The following SNX30 variants were observed in gnomAD, a reference collection of about 807,000 sequenced individuals.
The protein encoded by SNX30 is sorting nexin family member 30, also known as sorting nexin-30.
In SNX30, 24 loss-of-function variants were observed where a neutral mutation model predicts 46.4. The ratio of observed to expected loss-of-function variants is 0.52; its 90% confidence interval spans 0.37 to 0.73. SNX30 has a LOEUF of 0.73. Among genes scored for constraint, SNX30 ranks in the 30% least tolerant of loss-of-function variants. The pLI, the probability that SNX30 is intolerant of heterozygous loss-of-function variation, is 0.00. For synonymous variants in SNX30, 189 were observed against 211.5 expected, an observed-to-expected ratio of 0.89 and a Z score of 0.92; for missense variants, 533 against 555.7, an observed-to-expected ratio of 0.96 and a Z score of 0.41.
rs570360585 is a variant in SNX30, at chr9:112,861,669, C to T, written c.1102-2578C>T. 5.3e-5 allele frequency among the ~76,000 whole-genome samples: 8 copies of T among 152,340 alleles called. No homozygotes were observed. In the South Asian group the frequency reaches 1.7e-3, roughly 32 times the overall value. On this transcript the variant is annotated intron_variant, in intron 7 of 8. Transcript: ENST00000374232. ...CCCCTGCCACCCTCTGCCAGTCTTG[C>T]GAGCTGCAGTTCCCTCTCCGTGCCG...
chr9:112,750,353 C>T (rs1426738945), upstream of SNX30: 1 of 152,264 alleles, frequency 6.6e-6, no homozygotes, highest in Non-Finnish European at 1.5e-5. Context: ...GTAATTCCGT[C>T]TATCTAGGGT....
intron 1 of SNX30, among the ~76,000 whole-genome samples, chr9:112,751,791 C>T (rs772167126): frequency 5.3e-5 from 8 of 152,160 alleles, no homozygotes; most frequent in Non-Finnish European, 1.0e-4. Flanking sequence ...TTGGCAGAGG[C>T]TGGTTTTGTG....
chr9:112,843,763 C>T (rs1840894947), intron 6 of SNX30, among the ~76,000 whole-genome samples: 1 of 151,464 alleles, frequency 6.6e-6, no homozygotes. Flanking sequence ...TACAGGTGCG[C>T]ACCACCACGC....
Position 112,817,692 on chromosome 9 carries a change from C to G in SNX30, c.349-13C>G. ...TCCCTTATGCTTATTTTTTTCCATT[C>G]TCTTCTTTGCAGAGTACTCGGGTGG... On this transcript the variant is annotated splice_polypyrimidine_tract_variant and intron_variant, in intron 2 of 8. Transcript: ENST00000374232. 6.7e-7 allele frequency: 1 copy of G among 1,502,158 alleles called. No homozygotes were observed. The highest frequency in any genetic ancestry group is 2.3e-5 in the East Asian group (1 of 44,290). 93.1% of individuals were successfully genotyped at this position (1,502,158 alleles called of 1,614,324 possible). A position where few individuals can be genotyped will look rare whatever the true frequency, so the allele number is the denominator to read the frequency against.
chr9:112,792,202 G>T (rs958323898), intron 1 of SNX30, among the ~76,000 whole-genome samples: 1 of 152,190 alleles, frequency 6.6e-6, no homozygotes, highest in African/African-American at 2.4e-5. Context: ...TTACCTCTTC[G>T]TGGATGTTCT....
intron 7 of SNX30, among the ~76,000 whole-genome samples, chr9:112,861,764 G>A (rs988492216): frequency 3.9e-5 from 6 of 152,076 alleles, no homozygotes; most frequent in Admixed American, 2.0e-4. Context: ...TGTCCCTTGT[G>A]TGTACCGCCA....
intron 1 of SNX30, among the ~76,000 whole-genome samples, chr9:112,793,730 C>T (rs1438225023): frequency 6.6e-6 from 1 of 152,032 alleles, no homozygotes; most frequent in Non-Finnish European, 1.5e-5. Flanking sequence ...TTGGATGGCA[C>T]CCTTTCCTCA....
At position 112,864,370 on chromosome 9, in the gene SNX30, G is replaced by T. The variant is rs370280493; in HGVS notation, c.1225G>T (p.Ala409Ser). Reference protein sequence around the residue: ...QDFRQLLMGMADKNIQYYEKC... With the variant: ...QDFRQLLMGMSDKNIQYYEKC... ...CTTCCGGCAGCTACTCATGGGGATGGCTGACAAGAACATCCAGTATTATGA... is the reference window on the plus strand; with the variant it reads ...CTTCCGGCAGCTACTCATGGGGATGTCTGACAAGAACATCCAGTATTATGA... Residue 409 changes from alanine (A) to serine (S), a missense_variant, in exon 8 of 9, where the codon GCT (alanine) becomes TCT (serine). Transcript: ENST00000374232. The T allele has an allele frequency of 6.2e-7, 1 of 1,614,204 alleles. No individual in the cohort carries two copies. Among genetic ancestry groups the T allele is most frequent in the Non-Finnish European group, 8.5e-7 (1 of 1,180,034 alleles).
At chr9:112,766,491 A>T (rs1588108573) in intron 1 of SNX30, among the ~76,000 whole-genome samples, 2 of 152,162 alleles carry the variant, frequency 1.3e-5, no homozygotes, top group African/African-American at 4.8e-5. Context: ...GTTTTTAATC[A>T]TCTTAACCAT....
chr9:112,822,563 T>G (rs1457512844), intron 3 of SNX30, among the ~76,000 whole-genome samples: 1 of 112,976 alleles, frequency 8.9e-6, no homozygotes, highest in Non-Finnish European at 1.7e-5. Context: ...TGTAAGAACC[T>G]GTAACATAAG....
rs1384993558 is a variant in SNX30 at position 112,864,229 on chromosome 9, T to C, written c.1102-18T>C. The C allele has an allele frequency of 6.2e-7, 1 of 1,613,010 alleles. No individual in the cohort carries two copies. The highest frequency in any genetic ancestry group is 1.1e-5 in the South Asian group (1 of 91,004). ...CAGTTTTGTGTGCAGGGCACCCATG[T>C]GTGCCTCCCTTTTCCAGGTACCGGC... On this transcript the variant is annotated intron_variant, in intron 7 of 8. Transcript: ENST00000374232.
At chr9:112,785,860 ACCT>A (rs1335416561) in intron 1 of SNX30, among the ~76,000 whole-genome samples, 1 of 152,138 alleles carries the variant, frequency 6.6e-6, no homozygotes, top group East Asian at 1.9e-4. Context: ...ACAACACTAT[ACCT>A]AGGAGAAGCT....
chr9:112,856,615 G>C (rs1425708868), intron 7 of SNX30: 1 of 152,206 alleles, frequency 6.6e-6, no homozygotes, highest in African/African-American at 2.4e-5. Context: ...CAAACCTCTT[G>C]AAGGCTGTAG....
chr9:112,777,850 T>C (rs1428259562), intron 1 of SNX30, among the ~76,000 whole-genome samples: 1 of 152,194 alleles, frequency 6.6e-6, no homozygotes, highest in Non-Finnish European at 1.5e-5. Flanking sequence ...CTTTATCTTT[T>C]ACCCCTCATT....
intron 7 of SNX30, among the ~76,000 whole-genome samples, chr9:112,856,977 A>C (rs1230996767): frequency 6.6e-6 from 1 of 152,160 alleles, no homozygotes; most frequent in African/African-American, 2.4e-5. Context: ...TTAAGTGCCA[A>C]AGTCAACAAA....
At chr9:112,836,711 A>T (rs1256415343) in intron 5 of SNX30, among the ~76,000 whole-genome samples, 1 of 152,206 alleles carries the variant, frequency 6.6e-6, no homozygotes, top group Non-Finnish European at 1.5e-5. Context: ...GGAGACATAG[A>T]CTCAACTGCC....
At chr9:112,846,643 A>G (rs758157383) in intron 6 of SNX30, among the ~76,000 whole-genome samples, 6 of 152,056 alleles carry the variant, frequency 3.9e-5, no homozygotes, top group Non-Finnish European at 7.4e-5. Context: ...ATTACTCTAC[A>G]TGAATTCCAC....
chr9:112,805,427 G>C (rs751641997), intron 2 of SNX30, among the ~76,000 whole-genome samples: 12 of 152,090 alleles, frequency 7.9e-5, no homozygotes, highest in Non-Finnish European at 1.5e-4. Flanking sequence ...GTAGTGGGCA[G>C]GTGTTGAGAT....
Position 112,750,820 on chromosome 9 carries a change from G to GGAGCGGAGCGTCT in SNX30, c.-176_-164dup. On this transcript the variant is annotated 5_prime_UTR_variant, in exon 1 of 9. Transcript: ENST00000374232. ...GGCGCGGAGCGGGGGCGCGCGGCGC[G>GGAGCGGAGCGTCT]GAGCGGAGCGTCTGAGCGCCGGCAG... The GGAGCGGAGCGTCT allele has an allele frequency of 3.1e-6, 1 of 327,466 alleles. No individual in the cohort carries two copies. The highest frequency in any genetic ancestry group is 4.4e-6 in the Non-Finnish European group (1 of 228,986). The allele number at this position is 327,466 out of a possible 1,614,324, so 20.3% of individuals were successfully genotyped here. A position where few individuals can be genotyped will look rare whatever the true frequency, so the allele number is the denominator to read the frequency against.
Sources: allele counts gnomAD v4.1 joint callset (sites outside exome capture counted in the v4.1 genomes callset), GRCh38; gene constraint gnomAD v4.1.1; transcripts MANE v1.5; gene names NCBI Gene and HGNC (gene_info 2026-07-23, HGNC 2026-07-21).